Variants in KCNH6 observed in about 807,000 individuals in gnomAD.
KCNH6 encodes potassium voltage-gated channel subfamily H member 6.
KCNH6 carries 81 observed loss-of-function variants against 83.4 expected under a neutral mutation model. The observed-to-expected ratio is 0.97, with a 90% CI of 0.81 to 1.17. The LOEUF is 1.17. Among genes scored for constraint, KCNH6 ranks in the 50% most tolerant of loss-of-function variants. KCNH6 has a pLI of 0.00. For synonymous variants in KCNH6, 503 were observed against 545.6 expected (o/e 0.92, Z 1.09); for missense variants, 1,203 against 1,290.5 (o/e 0.93, Z 1.04).
At position 63,542,239 on chromosome 17, in the gene KCNH6, A is replaced by C. The variant is rs2032903301; in HGVS notation, c.1955-2A>C. 4 of 1,613,238 alleles carry C rather than the reference A, an allele frequency of 2.5e-6. No individual in the cohort carries two copies. The highest frequency in any genetic ancestry group is 1.7e-6 in the Non-Finnish European group (2 of 1,179,438). On this transcript the variant is annotated splice_acceptor_variant, in intron 8 of 12. Coordinates refer to ENST00000314672, the MANE Select transcript of KCNH6 (RefSeq NM_001278919.2). LOFTEE classifies it high-confidence loss of function. Reference sequence around the variant, plus strand: ...AGAGACTCCCACCCCTCTGGCTGGCAGGAAAGAATGACATCTTTGGGGAAC... The same window carrying C: ...AGAGACTCCCACCCCTCTGGCTGGCCGGAAAGAATGACATCTTTGGGGAAC...
At chr17:63,544,092 G>C in intron 10 of KCNH6, 157 bp from the exon 11 acceptor site, 1 of 1,609,502 alleles carries the variant, frequency 6.2e-7, no homozygotes, top group African/African-American at 1.3e-5. Context: ...CTCCATGGGG[G>C]CAGGACCTTG....
intron 8 of KCNH6, among the ~76,000 whole-genome samples, chr17:63,541,820 G>A (rs951007625): frequency 2.0e-5 from 3 of 152,184 alleles, no homozygotes; most frequent in Non-Finnish European, 4.4e-5. Context: ...CTGCCCTGGC[G>A]GAGTTAGGTG....
At chr17:63,542,968 A>G (rs886467524) in intron 9 of KCNH6, among the ~76,000 whole-genome samples, 12 of 152,248 alleles carry the variant, frequency 7.9e-5, no homozygotes, top group African/African-American at 2.9e-4. Flanking sequence ...ACAAAGTAAA[A>G]CAGCCAAAGT....
chr17:63,533,900 C>T lies in KCNH6; in HGVS notation c.690C>T (p.Gly230=), dbSNP rs144118474. The T allele has an allele frequency of 5.1e-5, 83 of 1,612,960 alleles. No homozygotes were observed. In the African/African-American group the frequency reaches 6.0e-4, roughly 12 times the overall value. Residue 230 remains glycine, a synonymous_variant, in exon 5 of 13, where the codon GGC becomes GGT. Transcript: ENST00000314672. This position sits in a 1 kb window ranked among gnomAD's most constrained non-coding sequence, Gnocchi z 4.1. ...TEKVTQVLSL[G]ADVLPEYKLQ... ...CCCACCCCCAGGTCCTGTCCCTGGG[C>T]GCGGATGTGCTGCCGGAGTACAAGC... is the stretch of plus-strand genomic sequence containing the variant.
Position 63,538,024 on chromosome 17 carries a change from AG to A in KCNH6, c.1502-40del. On this transcript the variant is annotated intron_variant, in intron 6 of 12. Transcript: ENST00000314672. This position sits in a 1 kb window ranked among gnomAD's most constrained non-coding sequence, Gnocchi z 4.0. Reference sequence around the variant, plus strand: ...GGGTAAGCCCTTGGTGGTGTGGCCCAGTGGGGCCGCGGAGGAGCTCACTCTC... The same window carrying A: ...GGGTAAGCCCTTGGTGGTGTGGCCCATGGGGCCGCGGAGGAGCTCACTCTC... 1 of 1,592,524 alleles carries A rather than the reference AG, an allele frequency of 6.3e-7. No individual in the cohort carries two copies. Among genetic ancestry groups the A allele is most frequent in the Non-Finnish European group, 8.6e-7 (1 of 1,168,198 alleles).
chr17:63,535,755 T>C lies in KCNH6; in HGVS notation c.1188T>C (p.Tyr396=), dbSNP rs1474693126. The stretch of plus-strand genomic sequence containing the variant: ...GGAAGCTGGACCGCTACTCTGAGTA[T>C]GGGGCGGCTGTGCTCTTCTTGCTCA... ...VARKLDRYSE[Y]GAAVLFLLMC... Residue 396 remains tyrosine (Y), a synonymous_variant, in exon 6 of 13, where the codon TAT becomes TAC. Transcript: ENST00000314672. This position sits in a 1 kb window ranked among gnomAD's most constrained non-coding sequence, Gnocchi z 4.9. 7.4e-6 allele frequency: 12 copies of C among 1,614,128 alleles called. No individual in the cohort carries two copies. The highest frequency in any genetic ancestry group is 1.7e-5 in the Admixed American group (1 of 60,024).
chr17:63,543,063 C>T (rs945084955), intron 9 of KCNH6, among the ~76,000 whole-genome samples: 3 of 152,232 alleles, frequency 2.0e-5, no homozygotes, highest in East Asian at 1.9e-4. Context: ...ATGCCCAGAG[C>T]GGGGTATCAC....
rs2033137297 is a variant in KCNH6 at position 63,546,144 on chromosome 17, G to A, written c.*242G>A. 2 of 427,948 alleles carry A rather than the reference G, an allele frequency of 4.7e-6. No individual in the cohort carries two copies. Among genetic ancestry groups the A allele is most frequent in the South Asian group, 3.1e-5 (1 of 32,072 alleles). The allele number at this position is 427,948 out of a possible 1,614,324, so 26.5% of individuals were successfully genotyped here. Reference sequence around the variant, plus strand: ...AATCCCAGCTACTGGGGAGGCTGAGGCAGGAGAATGGCATGAACCCGGGAG... The same window carrying A: ...AATCCCAGCTACTGGGGAGGCTGAGACAGGAGAATGGCATGAACCCGGGAG... On this transcript the variant is annotated 3_prime_UTR_variant, in exon 13 of 13. Coordinates refer to ENST00000314672, the MANE Select transcript of KCNH6 (RefSeq NM_001278919.2).
At position 63,545,912 on chromosome 17, in the gene KCNH6, T is replaced by C; in HGVS notation, c.*10T>C. ...GAGTTGGGGCCACTGAACTCCAAGA[T>C]AAAGACACCATGAGGGGACTGAAGG... On this transcript the variant is annotated 3_prime_UTR_variant, in exon 13 of 13. Coordinates refer to ENST00000314672, the MANE Select transcript of KCNH6 (RefSeq NM_001278919.2). The C allele has an allele frequency of 2.5e-6, 4 of 1,612,670 alleles. 1 individual carries two copies. The highest frequency in any genetic ancestry group is 3.4e-6 in the Non-Finnish European group (4 of 1,179,382).
rs746751114 is a variant in KCNH6, at chr17:63,536,053, G to A, written c.1486G>A (p.Val496Ile). 1.7e-5 allele frequency: 27 copies of A among 1,613,154 alleles called. No individual in the cohort carries two copies. The highest frequency in any genetic ancestry group is 2.7e-5 in the African/African-American group (2 of 74,924). ...TNSEKVFSICVMLIGSLMYAS... is the reference protein window; with the variant it reads ...TNSEKVFSICIMLIGSLMYAS... ...CTCCGAGAAGGTCTTCTCCATCTGC[G>A]TCATGCTCATCGGCTGTGAGTGAGA... The change falls in exon 6 of 13, where the codon GTC (valine) becomes ATC (isoleucine). Residue 496 changes from valine to isoleucine, a missense_variant. Val to Ile is a conservative substitution (Grantham distance 29). Transcript: ENST00000314672.
rs764823797 is a variant in KCNH6 at position 63,542,258 on chromosome 17, G to T, written c.1972G>T (p.Gly658Trp). The change falls in exon 9 of 13, where the codon GGG becomes TGG. Residue 658 changes from glycine to tryptophan, a missense_variant. By Grantham distance (184) the Gly-to-Trp change is radical. Coordinates refer to ENST00000314672, the MANE Select transcript of KCNH6 (RefSeq NM_001278919.2). ...VAILGKNDIF[G>W]EPVSLHAQPG... ...GCTGGCAGGAAAGAATGACATCTTT[G>T]GGGAACCCGTCAGCCTCCATGCCCA... The T allele has an allele frequency of 1.4e-5, 23 of 1,613,760 alleles. No homozygotes were observed. The South Asian group carries it at 2.0e-4, about 14-fold the overall frequency.
intron 2 of KCNH6, among the ~76,000 whole-genome samples, chr17:63,526,511 C>A (rs1412175967): frequency 6.6e-6 from 1 of 151,830 alleles, no homozygotes; most frequent in African/African-American, 2.4e-5. Flanking sequence ...CGCGCACCCT[C>A]ACACCCGACT....
chr17:63,540,792 G>C (rs188528943), intron 8 of KCNH6, among the ~76,000 whole-genome samples: 137 of 152,322 alleles, frequency 9.0e-4, no homozygotes, highest in African/African-American at 3.2e-3. Context: ...CTTTCTGGGG[G>C]AGTGGGAATC....
chr17:63,527,301 G>A (rs562082821), intron 2 of KCNH6, among the ~76,000 whole-genome samples: 62 of 152,316 alleles, frequency 4.1e-4, no homozygotes, highest in African/African-American at 1.4e-3. Flanking sequence ...AGCATGCAGC[G>A]GCCACCCTCT....
In KCNH6 at chr17:63,523,580, G is replaced by A; in HGVS notation, c.76+91G>A. The A allele has an allele frequency of 8.2e-7, 1 of 1,225,590 alleles. No individual in the cohort carries two copies. 75.9% of individuals were successfully genotyped at this position (1,225,590 alleles called of 1,614,324 possible). A position where few individuals can be genotyped will look rare whatever the true frequency, so the allele number is the denominator to read the frequency against. On this transcript the variant is annotated intron_variant, in intron 1 of 12. Transcript: ENST00000314672. The surrounding 1 kb of genome is among the most constrained non-coding windows in gnomAD (Gnocchi z 4.2). Reference sequence around the variant, plus strand: ...GACCCCTTTACTAACTTCTAACCGGGCAAGGTGGTGAGTGCCGGGTGCTGA... The same window carrying A: ...GACCCCTTTACTAACTTCTAACCGGACAAGGTGGTGAGTGCCGGGTGCTGA...
chr17:63,533,326 C>A lies in KCNH6; in HGVS notation c.676-560C>A, dbSNP rs1037020143. Among the ~76,000 whole-genome samples, 4 of 152,108 alleles carry A rather than the reference C, an allele frequency of 2.6e-5. No homozygotes were observed. The highest frequency in any genetic ancestry group is 2.9e-5 in the Non-Finnish European group (2 of 67,998). On this transcript the variant is annotated intron_variant, in intron 4 of 12. Transcript: ENST00000314672. This position sits in a 1 kb window ranked among gnomAD's most constrained non-coding sequence, Gnocchi z 4.1. Reference sequence around the variant, plus strand: ...CCGTTGAGGGTCCAGGTTGGCTACACCCCTACCCCATGGACTCTTTCCATG... The same window carrying A: ...CCGTTGAGGGTCCAGGTTGGCTACAACCCTACCCCATGGACTCTTTCCATG...
In KCNH6 at chr17:63,538,430, G is replaced by T; in HGVS notation, c.1722G>T (p.Glu574Asp). 2.5e-6 allele frequency: 4 copies of T among 1,601,712 alleles called. No homozygotes were observed. Among genetic ancestry groups the T allele is most frequent in the Non-Finnish European group, 3.4e-6 (4 of 1,174,934 alleles). The change falls in exon 8 of 13, where the codon GAG becomes GAT. Residue 574 changes from glutamate to aspartate, a missense_variant. Glu to Asp is a conservative substitution (Grantham distance 45). Coordinates refer to ENST00000314672, the MANE Select transcript of KCNH6 (RefSeq NM_001278919.2). This position sits in a 1 kb window ranked among gnomAD's most constrained non-coding sequence, Gnocchi z 4.0. The stretch of plus-strand genomic sequence containing the variant: ...TGCAGGTGCTGAAGGGCTTCCCCGA[G>T]TGCCTGCAGGCTGACATCTGCCTGC... ...DMNAVLKGFP[E>D]CLQADICLHL...
chr17:63,546,069 C>G lies in KCNH6; in HGVS notation c.*167C>G, dbSNP rs1381682792. 1 of 596,222 alleles carries G rather than the reference C, an allele frequency of 1.7e-6. No homozygotes were observed. The highest frequency in any genetic ancestry group is 3.0e-5 in the Admixed American group (1 of 33,166). 36.9% of individuals were successfully genotyped at this position (596,222 alleles called of 1,614,324 possible). A position where few individuals can be genotyped will look rare whatever the true frequency, so the allele number is the denominator to read the frequency against. On this transcript the variant is annotated 3_prime_UTR_variant, in exon 13 of 13. Coordinates refer to ENST00000314672, the MANE Select transcript of KCNH6 (RefSeq NM_001278919.2). ...CTAACACGGTGAAACCCCACCTCTACTAAAATTAAAAAAGAAAAAAAATAG... is the reference window on the plus strand; with the variant it reads ...CTAACACGGTGAAACCCCACCTCTAGTAAAATTAAAAAAGAAAAAAAATAG...
chr17:63,531,123 T>A (rs2147653113), intron 4 of KCNH6, among the ~76,000 whole-genome samples: 1 of 152,318 alleles, frequency 6.6e-6, no homozygotes, highest in East Asian at 1.9e-4. Flanking sequence ...CGGCAGCTCC[T>A]CCTTGGCCAC....
Sources: gnomAD v4.1 joint callset for allele counts (sites outside exome capture counted in the v4.1 genomes callset) on GRCh38, gnomAD v4.1.1 for gene constraint, Gnocchi (gnomAD v3.1) non-coding constraint, MANE v1.5 for transcripts, NCBI Gene and HGNC (gene_info 2026-07-23, HGNC 2026-07-21) for gene names.